STARD9: variants seen among roughly 807,000 people sequenced by gnomAD.
The protein encoded by STARD9 is stAR-related lipid transfer protein 9.
In STARD9, 346 loss-of-function variants were observed where a neutral mutation model predicts 399.8. The ratio of observed to expected loss-of-function variants is 0.87; its 90% confidence interval spans 0.79 to 0.95. The LOEUF (loss-of-function observed/expected upper bound fraction) is 0.95, where lower values mean the gene tolerates loss of function less well. Among genes scored for constraint, STARD9 ranks in the 40% least tolerant of loss-of-function variants. The probability of loss-of-function intolerance (pLI) is 0.00; values close to 1 mark genes in which losing one functional copy is unlikely to be tolerated. For missense variants in STARD9, 5,832 were observed against 5,667.5 expected (o/e 1.03, Z -0.93); for synonymous variants, 2,203 against 2,143.5 (o/e 1.03, Z -0.77).
intron 7 of STARD9, among the ~76,000 whole-genome samples, chr15:42,644,724 A>G (rs2059613793): frequency 6.6e-6 from 1 of 152,164 alleles, no homozygotes; most frequent in Admixed American, 6.5e-5. Flanking sequence ...TCCTTTCATG[A>G]AAAATTTTTC....
Position 42,583,433 on chromosome 15 carries a change from T to C in STARD9, c.117+18T>C. The C allele has an allele frequency of 1.3e-6, 2 of 1,520,628 alleles. No homozygotes were observed. Among genetic ancestry groups the C allele is most frequent in the Non-Finnish European group, 1.8e-6 (2 of 1,132,002 alleles). 94.2% of individuals were successfully genotyped at this position (1,520,628 alleles called of 1,614,324 possible). A position where few individuals can be genotyped will look rare whatever the true frequency, so the allele number is the denominator to read the frequency against. The stretch of plus-strand genomic sequence containing the variant: ...ATTTAAAGGTAAGCCTGAAATTGTT[T>C]TTCATTTTCTTTCCACTGAGGAGCT... On this transcript the variant is annotated intron_variant, in intron 2 of 32. Transcript: ENST00000290607.
At chr15:42,620,769 T>TTTATTTTATTTTA (rs1199577171) in intron 3 of STARD9, among the ~76,000 whole-genome samples, 1 of 151,782 alleles carries the variant, frequency 6.6e-6, no homozygotes, top group African/African-American at 2.4e-5. Context: ...TTTATTTTAT[T>TTTATTTTATTTTA]TTGGAGACAG....
At chr15:42,622,971 G>A (rs1454485335) in intron 3 of STARD9, among the ~76,000 whole-genome samples, 1 of 152,158 alleles carries the variant, frequency 6.6e-6, no homozygotes, top group African/African-American at 2.4e-5. Flanking sequence ...GCAGATCAGG[G>A]CCAGGCGTGG....
chr15:42,686,778 C>T lies in STARD9; in HGVS notation c.5200C>T (p.Pro1734Ser), dbSNP rs143939424. ...ATACCTTCACTCTGCTCCCTGGAAT[C>T]CATTGTCATCTTCCCTGCAGCCCCC... ...ELYLHSAPWNPLSSSLQPPLL... is the reference protein window; with the variant it reads ...ELYLHSAPWNSLSSSLQPPLL... Residue 1734 changes from proline to serine, a missense_variant, in exon 23 of 33, where the codon CCA becomes TCA. Transcript: ENST00000290607. 4 of 1,537,386 alleles carry T rather than the reference C, an allele frequency of 2.6e-6. No homozygotes were observed. The highest frequency in any genetic ancestry group is 1.2e-5 in the South Asian group (1 of 84,066).
intron 10 of STARD9, among the ~76,000 whole-genome samples, 181 bp downstream of exon 10, chr15:42,661,406 G>T (rs986132305): frequency 6.6e-6 from 1 of 152,144 alleles, no homozygotes; most frequent in Admixed American, 6.5e-5. Flanking sequence ...CTACATCAGG[G>T]ATTCTCAATC....
At chr15:42,615,336 T>C (rs1272548022) in intron 3 of STARD9, among the ~76,000 whole-genome samples, 2 of 151,992 alleles carry the variant, frequency 1.3e-5, no homozygotes, top group African/African-American at 2.4e-5. Context: ...CTGGAAACAT[T>C]GTTAGTAAGG....
Position 42,685,451 on chromosome 15 carries a change from T to G in STARD9, c.3873T>G (p.Cys1291Trp). Residue 1291 changes from cysteine (C) to tryptophan (W), a missense_variant, in exon 23 of 33, where the codon TGT becomes TGG. This residue lies in a region of STARD9 where 5,828 missense variants were observed against 5,651.1 expected (regional missense o/e 1.03). Coordinates refer to ENST00000290607, the MANE Select transcript of STARD9 (RefSeq NM_020759.3). ...FQPHCELQPH[C>W]ELQPHCELQP... ...CCCATTGTGAGCTCCAACCCCATTG[T>G]GAGCTCCAACCCCATTGTGAGCTCC... The G allele has an allele frequency of 6.5e-7, 1 of 1,536,710 alleles. No individual in the cohort carries two copies. The highest frequency in any genetic ancestry group is 8.7e-7 in the Non-Finnish European group (1 of 1,146,656).
intron 3 of STARD9, among the ~76,000 whole-genome samples, chr15:42,592,174 A>T (rs1426693171): frequency 6.6e-6 from 1 of 152,248 alleles, no homozygotes; most frequent in Non-Finnish European, 1.5e-5. Flanking sequence ...ATTTAGGCTT[A>T]GAGAAGTTAT....
Position 42,686,346 on chromosome 15 carries a change from T to C in STARD9, c.4768T>C (p.Tyr1590His), listed in dbSNP as rs2060555894. Residue 1590 changes from tyrosine (Y) to histidine (H), a missense_variant, in exon 23 of 33, where the codon TAT becomes CAT. By Grantham distance (83) the Tyr-to-His change is moderately conservative. Around this residue, in one of 2 missense-constraint regions of STARD9, gnomAD observed 5,828 missense variants for 5,651.1 expected, o/e 1.03. Transcript: ENST00000290607. The part of the protein sequence containing the change: ...SEKEASYDET[Y>H]SADLESLSAS... The stretch of plus-strand genomic sequence containing the variant: ...GAAAGAGGCGAGTTATGACGAAACT[T>C]ATTCGGCAGACTTAGAATCATTGTC... 6.5e-7 allele frequency: 1 copy of C among 1,537,520 alleles called. No homozygotes were observed. Among genetic ancestry groups the C allele is most frequent in the East Asian group, 2.4e-5 (1 of 40,926 alleles).
intron 9 of STARD9, among the ~76,000 whole-genome samples, chr15:42,659,858 C>T (rs1215395782): frequency 2.0e-5 from 3 of 152,046 alleles, no homozygotes; most frequent in Non-Finnish European, 1.5e-5. Context: ...TACCATATGA[C>T]CCAGCAATTC....
At chr15:42,705,019 A>T (rs1445700204) in intron 26 of STARD9, among the ~76,000 whole-genome samples, 1 of 152,178 alleles carries the variant, frequency 6.6e-6, no homozygotes, top group African/African-American at 2.4e-5. Context: ...GGGGTGGGGA[A>T]TTCCTTTCTG....
rs1218702310 is a variant in STARD9, at chr15:42,691,823, C to T, written c.10245C>T (p.His3415=). 12 of 1,537,304 alleles carry T rather than the reference C, an allele frequency of 7.8e-6. No individual in the cohort carries two copies. In the Admixed American group the frequency reaches 1.6e-4, roughly 20 times the overall value. ...ATCCAATGCCTTCCACTCTCTCACA[C>T]ATGCCAACCCCTGATTTCACGACCA... ...PPYPMPSTLS[H]MPTPDFTTSW... The change falls in exon 23 of 33, where the codon CAC becomes CAT. Residue 3415 remains histidine (H), a synonymous_variant. Coordinates refer to ENST00000290607, the MANE Select transcript of STARD9 (RefSeq NM_020759.3).
chr15:42,648,653 T>TG (rs1378901989), intron 7 of STARD9, among the ~76,000 whole-genome samples: 1 of 152,204 alleles, frequency 6.6e-6, no homozygotes, highest in East Asian at 1.9e-4. Flanking sequence ...GGTCTACTTA[T>TG]GGGTAGATTT....
rs1437364972 is a variant in STARD9 at position 42,690,462 on chromosome 15, G to A, written c.8884G>A (p.Val2962Ile). ...CCGACAGCCATGCAGTTCTCAACCT[G>A]TTGCTACTCATGCTTATTCCTCCCA... ...PCRQPCSSQP[V>I]ATHAYSSHSS... Residue 2962 changes from valine to isoleucine, a missense_variant, in exon 23 of 33, where the codon GTT becomes ATT. By Grantham distance (29) the Val-to-Ile change is conservative. This residue lies in a region of STARD9 where 5,828 missense variants were observed against 5,651.1 expected (regional missense o/e 1.03). Coordinates refer to ENST00000290607, the MANE Select transcript of STARD9 (RefSeq NM_020759.3). 1.0e-5 allele frequency: 16 copies of A among 1,537,084 alleles called. No individual in the cohort carries two copies. In the East Asian group the frequency reaches 3.7e-4, roughly 35 times the overall value.
At chr15:42,637,573 G>C (rs2059442768) in intron 4 of STARD9, among the ~76,000 whole-genome samples, 2 of 152,192 alleles carry the variant, frequency 1.3e-5, no homozygotes, top group Admixed American at 1.3e-4. Context: ...TGGAGGTATA[G>C]GGGGCTGGGG....
chr15:42,665,440 C>G (rs1595732918), intron 14 of STARD9, 110 bp downstream of exon 14: 2 of 854,238 alleles, frequency 2.3e-6, no homozygotes, highest in South Asian at 1.6e-5. Context: ...TCAATTGACT[C>G]TCTTACGGCA....
intron 7 of STARD9, among the ~76,000 whole-genome samples, chr15:42,647,285 C>T (rs949770078): frequency 2.0e-5 from 3 of 151,954 alleles, no homozygotes; most frequent in African/African-American, 4.8e-5. Flanking sequence ...CTTCTGTACC[C>T]CTATTGATTT....
chr15:42,660,632 TA>T (rs1455307592), intron 9 of STARD9, among the ~76,000 whole-genome samples: 1 of 145,868 alleles, frequency 6.9e-6, no homozygotes, highest in Non-Finnish European at 1.5e-5. Flanking sequence ...TAAAACAAAA[TA>T]ACAAAACCGA....
chr15:42,720,246 G>A lies in STARD9; in HGVS notation c.*672G>A, dbSNP rs1595841694. On this transcript the variant is annotated 3_prime_UTR_variant, in exon 33 of 33. Transcript: ENST00000290607. Reference sequence around the variant, plus strand: ...TTGAGCGATGATGCTCTGATATGGAGCTGTCACTCTAGAGCTCGGTCAGAT... The same window carrying A: ...TTGAGCGATGATGCTCTGATATGGAACTGTCACTCTAGAGCTCGGTCAGAT... 1 of 152,272 alleles carries A rather than the reference G, an allele frequency of 6.6e-6. No individual in the cohort carries two copies. The highest frequency in any genetic ancestry group is 6.5e-5 in the Admixed American group (1 of 15,288). The allele number at this position is 152,272 out of a possible 1,614,324, so 9.4% of individuals were successfully genotyped here.
Sources: allele counts gnomAD v4.1 joint callset (sites outside exome capture counted in the v4.1 genomes callset), GRCh38; gene constraint gnomAD v4.1.1; regional missense constraint gnomAD v4.1.1; transcripts MANE v1.5; gene names NCBI Gene and HGNC (gene_info 2026-07-23, HGNC 2026-07-21).